The following FAT3 variants were observed in gnomAD, a reference collection of about 807,000 sequenced individuals.
FAT3 encodes the protein protocadherin Fat 3.
Under a neutral mutation model 310.2 loss-of-function variants are expected in FAT3, and 95 were observed. The observed-to-expected ratio is 0.31, with a 90% CI of 0.26 to 0.36. FAT3 has a LOEUF of 0.36. Among genes scored for constraint, FAT3 ranks in the 10% least tolerant of loss-of-function variants. The probability of loss-of-function intolerance (pLI) is 1.00; values close to 1 mark genes in which losing one functional copy is unlikely to be tolerated. For missense variants in FAT3, 5,408 were observed against 5,715.6 expected, an observed-to-expected ratio of 0.95 and a Z score of 1.74; for synonymous variants, 2,314 against 2,192.9, an observed-to-expected ratio of 1.06 and a Z score of -1.54.
At chr11:92,340,195 A>G (rs1484307778) in intron 1 of FAT3, among the ~76,000 whole-genome samples, 1 of 149,660 alleles carries the variant, frequency 6.7e-6, no homozygotes, top group Non-Finnish European at 1.5e-5. Flanking sequence ...GGTCTTTATT[A>G]TCCTGAAAGC....
intron 1 of FAT3, among the ~76,000 whole-genome samples, chr11:92,340,338 C>A (rs1450146433): frequency 6.6e-6 from 1 of 151,962 alleles, no homozygotes; most frequent in African/African-American, 2.4e-5. Flanking sequence ...CGGCTTAAGG[C>A]TGTAGGGTTG....
intron 2 of FAT3, among the ~76,000 whole-genome samples, chr11:92,381,720 A>C (rs1949498748): frequency 6.6e-6 from 1 of 152,314 alleles, no homozygotes; most frequent in Admixed American, 6.5e-5. Context: ...TCATTTTAAA[A>C]TTTGGGATTT....
At chr11:92,664,686 A>G (rs765441092) in intron 3 of FAT3, among the ~76,000 whole-genome samples, 2 of 152,224 alleles carry the variant, frequency 1.3e-5, no homozygotes, top group Non-Finnish European at 2.9e-5. Context: ...GAGATCATGA[A>G]CTAGGTAATA....
chr11:92,290,067 C>T (rs1469753204), intron 1 of FAT3, among the ~76,000 whole-genome samples: 1 of 152,028 alleles, frequency 6.6e-6, no homozygotes, highest in African/African-American at 2.4e-5. Context: ...TTGCTTTGGC[C>T]GTATCTTCAG....
At chr11:92,653,422 C>G (rs1942460597) in intron 3 of FAT3, among the ~76,000 whole-genome samples, 1 of 151,994 alleles carries the variant, frequency 6.6e-6, no homozygotes, top group Non-Finnish European at 1.5e-5. Flanking sequence ...GAATATTGCT[C>G]GAAGCTGATA....
At chr11:92,437,365 C>T (rs1332405537) in intron 2 of FAT3, among the ~76,000 whole-genome samples, 1 of 152,132 alleles carries the variant, frequency 6.6e-6, no homozygotes, top group African/African-American at 2.4e-5. Flanking sequence ...TAATTGTCAG[C>T]AGAAGAGCCG....
intron 3 of FAT3, among the ~76,000 whole-genome samples, chr11:92,623,028 G>C (rs955020345): frequency 1.3e-5 from 2 of 152,062 alleles, no homozygotes; most frequent in Non-Finnish European, 2.9e-5. Flanking sequence ...CCCATAACAA[G>C]GCTGACTCCA....
chr11:92,378,040 T>C (rs1228788769), intron 2 of FAT3, among the ~76,000 whole-genome samples: 1 of 152,192 alleles, frequency 6.6e-6, no homozygotes, highest in Admixed American at 6.5e-5. Context: ...GTTTGTGTCA[T>C]TTTTTTCAGC....
At chr11:92,316,582 C>A (rs78042292) in intron 1 of FAT3, among the ~76,000 whole-genome samples, 5,077 of 152,142 alleles carry the variant, frequency 0.033, 246 homozygotes, top group African/African-American at 0.1. Context: ...AATTATACAG[C>A]CAAATTGTCT....
chr11:92,537,926 A>G (rs1226433582), intron 3 of FAT3, among the ~76,000 whole-genome samples: 2 of 152,068 alleles, frequency 1.3e-5, no homozygotes, highest in African/African-American at 4.8e-5. Flanking sequence ...AGGTTGGGTA[A>G]GTGGGGGAGA....
chr11:92,614,351 C>T (rs2135637461), intron 3 of FAT3, among the ~76,000 whole-genome samples: 1 of 152,324 alleles, frequency 6.6e-6, no homozygotes, highest in South Asian at 2.1e-4. Context: ...GCTGGACCTT[C>T]TTGCATTTCC....
chr11:92,433,820 T>G (rs2135040385), intron 2 of FAT3, among the ~76,000 whole-genome samples: 1 of 151,542 alleles, frequency 6.6e-6, no homozygotes, highest in African/African-American at 2.4e-5. Flanking sequence ...ACCATTCTGG[T>G]TAACATGGTG....
Position 92,854,108 on chromosome 11 carries a change from C to A in FAT3, c.11366-3106C>A, listed in dbSNP as rs188716019. On this transcript the variant is annotated intron_variant, in intron 19 of 27. Coordinates refer to ENST00000525166, the MANE Select transcript of FAT3 (RefSeq NM_001367949.2). ...AGCTTCCCTCCCGTGCTCATCTATG[C>A]ACAAAGTTGAGATGGGCCCAAGGTG... Among the ~76,000 whole-genome samples, 1,285 of 152,312 alleles carry A rather than the reference C, an allele frequency of 8.4e-3. 12 individuals carry two copies. The highest frequency in any genetic ancestry group is 0.025 in the South Asian group (119 of 4,826).
At chr11:92,380,357 C>T (rs1949463536) in intron 2 of FAT3, among the ~76,000 whole-genome samples, 1 of 152,076 alleles carries the variant, frequency 6.6e-6, no homozygotes, top group Non-Finnish European at 1.5e-5. Flanking sequence ...TTAATCAGTT[C>T]TGTATGCCTG....
At chr11:92,225,578 C>T (rs1863869455) in intron 1 of FAT3, among the ~76,000 whole-genome samples, 1 of 152,120 alleles carries the variant, frequency 6.6e-6, no homozygotes. Flanking sequence ...GCCGGTGCCT[C>T]TCGGGCGCAG....
At chr11:92,571,089 C>A (rs546387495) in intron 3 of FAT3, among the ~76,000 whole-genome samples, 1 of 152,230 alleles carries the variant, frequency 6.6e-6, no homozygotes, top group African/African-American at 2.4e-5. Context: ...AAATCCAAAC[C>A]TTTTCTTAGT....
intron 1 of FAT3, among the ~76,000 whole-genome samples, chr11:92,340,707 T>C (rs1037757607): frequency 1.3e-5 from 2 of 152,182 alleles, no homozygotes; most frequent in Non-Finnish European, 2.9e-5. Context: ...GACCTGTTGT[T>C]AGGAATATTC....
At chr11:92,255,341 T>TTA (rs1554991623) in intron 1 of FAT3, among the ~76,000 whole-genome samples, 1 of 144,428 alleles carries the variant, frequency 6.9e-6, no homozygotes, top group Admixed American at 6.9e-5. Context: ...GGTTTTTTTT[T>TTA]AAAAAAAAAA....
intron 19 of FAT3, among the ~76,000 whole-genome samples, chr11:92,846,884 T>C (rs1259236531): frequency 1.3e-5 from 2 of 152,188 alleles, no homozygotes; most frequent in Non-Finnish European, 2.9e-5. Flanking sequence ...TAAAATGAAA[T>C]TCTAGATTTT....
Sources: allele counts gnomAD v4.1 joint callset (sites outside exome capture counted in the v4.1 genomes callset), GRCh38; gene constraint gnomAD v4.1.1; transcripts MANE v1.5; gene names NCBI Gene and HGNC (gene_info 2026-07-23, HGNC 2026-07-21).